Variants in RNF180 observed in about 807,000 individuals in gnomAD.
RNF180 encodes the protein ring finger protein 180.
A neutral mutation model predicts 59.2 loss-of-function variants in RNF180; 38 were observed. The observed-to-expected ratio is 0.64, with a 90% CI of 0.50 to 0.84. The LOEUF (loss-of-function observed/expected upper bound fraction) is 0.84. Ranked by LOEUF, RNF180 falls within the 40% of genes least tolerant of loss-of-function variation. The pLI is 0.00. For missense variants in RNF180, 705 were observed against 700.9 expected (o/e 1.01, Z -0.07); for synonymous variants, 262 against 240.3 (o/e 1.09, Z -0.84).
chr5:64,356,706 T>C (rs1580304758), intron 7 of RNF180, among the ~76,000 whole-genome samples: 2 of 151,938 alleles, frequency 1.3e-5, no homozygotes, highest in East Asian at 3.9e-4. Context: ...TACTGCAATA[T>C]GGATGAACCT....
At chr5:64,357,691 TAGTG>T (rs1746083736) in intron 7 of RNF180, among the ~76,000 whole-genome samples, 1 of 151,702 alleles carries the variant, frequency 6.6e-6, no homozygotes, top group Non-Finnish European at 1.5e-5. Context: ...TTACAAAAAT[TAGTG>T]AGATAACTGT....
chr5:64,282,769 T>G (rs1742076391), intron 5 of RNF180, among the ~76,000 whole-genome samples: 1 of 152,206 alleles, frequency 6.6e-6, no homozygotes, highest in African/African-American at 2.4e-5. Context: ...TCTTGATTTC[T>G]GCCTTATTCA....
At chr5:64,342,001 C>T (rs1745371504) in intron 7 of RNF180, among the ~76,000 whole-genome samples, 1 of 152,004 alleles carries the variant, frequency 6.6e-6, no homozygotes, top group African/African-American at 2.4e-5. Context: ...ATCAGGAGGC[C>T]AGATTAGAGG....
intron 1 of RNF180, among the ~76,000 whole-genome samples, chr5:64,170,446 A>C (rs1749880185): frequency 6.6e-6 from 1 of 152,190 alleles, no homozygotes; most frequent in Admixed American, 6.5e-5. Flanking sequence ...GGGTGTTTTT[A>C]AGTTAGCCAC....
At chr5:64,256,719 T>G (rs1322132510) in intron 5 of RNF180, among the ~76,000 whole-genome samples, 2 of 151,988 alleles carry the variant, frequency 1.3e-5, no homozygotes, top group African/African-American at 4.8e-5. Flanking sequence ...TTTAAAGTAG[T>G]TTTTTCCAAT....
rs1028682880 is a variant in RNF180 at position 64,305,847 on chromosome 5, C to A, written c.1228-19339C>A. Among the ~76,000 whole-genome samples the A allele has an allele frequency of 3.3e-5, 5 of 151,616 alleles. No homozygotes were observed. In the East Asian group the frequency reaches 9.7e-4, roughly 29 times the overall value. On this transcript the variant is annotated intron_variant, in intron 5 of 7. Coordinates refer to ENST00000389100, the MANE Select transcript of RNF180 (RefSeq NM_001113561.2). ...AGTTAAGAGATCTAGAATGATGGAG[C>A]ATCCACTATAACAGACATGTCATTA...
At chr5:64,187,855 T>G (rs1266135361) in intron 1 of RNF180, among the ~76,000 whole-genome samples, 1 of 152,162 alleles carries the variant, frequency 6.6e-6, no homozygotes, top group Non-Finnish European at 1.5e-5. Flanking sequence ...TAGGAATACT[T>G]TTTGTGTCCT....
intron 5 of RNF180, among the ~76,000 whole-genome samples, chr5:64,287,958 C>T (rs1742373698): frequency 6.6e-6 from 1 of 152,114 alleles, no homozygotes. Context: ...TTGGCATTTT[C>T]ATCATGAAAT....
upstream of RNF180, among the ~76,000 whole-genome samples, chr5:64,165,426 G>A (rs1256479851): frequency 1.3e-5 from 2 of 152,164 alleles, no homozygotes; most frequent in African/African-American, 2.4e-5. Context: ...CTAAACCCAG[G>A]TAGCGTTGCC....
chr5:64,179,413 T>C (rs1425835754), intron 1 of RNF180, among the ~76,000 whole-genome samples: 6 of 151,764 alleles, frequency 4.0e-5, no homozygotes, highest in Admixed American at 3.9e-4. Flanking sequence ...CTGTCATTCC[T>C]GTGCATGTTC....
Position 64,178,632 on chromosome 5 carries a change from G to A in RNF180, c.-1+12679G>A, listed in dbSNP as rs113623143. Reference sequence around the variant, plus strand: ...ATGATTGATGCATTGCATATGAAACGCAGCTACTGTCCTCTTTTCTTGTGG... The same window carrying A: ...ATGATTGATGCATTGCATATGAAACACAGCTACTGTCCTCTTTTCTTGTGG... On this transcript the variant is annotated intron_variant, in intron 1 of 7. Coordinates refer to ENST00000389100, the MANE Select transcript of RNF180 (RefSeq NM_001113561.2). Among the ~76,000 whole-genome samples the A allele has an allele frequency of 3.6e-3, 544 of 152,260 alleles. 3 individuals are homozygous for A. Among genetic ancestry groups the A allele is most frequent in the African/African-American group, 0.012 (478 of 41,556 alleles).
intron 1 of RNF180, among the ~76,000 whole-genome samples, chr5:64,185,277 T>C (rs1750814239): frequency 6.6e-6 from 1 of 152,198 alleles, no homozygotes; most frequent in Non-Finnish European, 1.5e-5. Context: ...TCTGGTAGAT[T>C]AGTTAGTTGA....
At chr5:64,288,922 A>G (rs1580186080) in intron 5 of RNF180, among the ~76,000 whole-genome samples, 1 of 152,142 alleles carries the variant, frequency 6.6e-6, no homozygotes, top group Admixed American at 6.5e-5. Context: ...AACTTCTAAT[A>G]CTATGTTGAA....
chr5:64,345,945 T>G (rs1019135481), intron 7 of RNF180, among the ~76,000 whole-genome samples: 1 of 151,858 alleles, frequency 6.6e-6, no homozygotes, highest in African/African-American at 2.4e-5. Context: ...CAAAATGACA[T>G]AAAATAACCA....
chr5:64,342,504 A>G (rs899014552), intron 7 of RNF180, among the ~76,000 whole-genome samples: 1 of 152,182 alleles, frequency 6.6e-6, no homozygotes, highest in Non-Finnish European at 1.5e-5. Context: ...GGAGTAAAAA[A>G]GGCTTAAAAA....
rs534487954 is a variant in RNF180, at chr5:64,363,840, T to C, written c.1580-5775T>C. ...TGTATTCCTGGGTATTTTATTCTTT[T>C]TGTGGCAATTGTGAATGGGAGTTTG... On this transcript the variant is annotated intron_variant, in intron 7 of 7. Transcript: ENST00000389100. Among the ~76,000 whole-genome samples, 277 of 152,008 alleles carry C rather than the reference T, an allele frequency of 1.8e-3. 2 individuals are homozygous for C. Among genetic ancestry groups the C allele is most frequent in the Non-Finnish European group, 3.6e-3 (247 of 67,890 alleles).
intron 5 of RNF180, among the ~76,000 whole-genome samples, chr5:64,303,128 G>GT (rs1296652059): frequency 6.6e-6 from 1 of 151,558 alleles, no homozygotes; most frequent in Admixed American, 6.6e-5. Flanking sequence ...TATTGTAATT[G>GT]TTTTGGGGCA....
At chr5:64,174,404 C>A (rs1217618671) in intron 1 of RNF180, among the ~76,000 whole-genome samples, 2 of 152,170 alleles carry the variant, frequency 1.3e-5, no homozygotes, top group African/African-American at 2.4e-5. Flanking sequence ...AATGGCTGGA[C>A]AAATTTACAT....
rs756930405 is a variant in RNF180, at chr5:64,213,761, A to C, written c.435A>C (p.Ser145=). The change falls in exon 4 of 8, where the codon TCA becomes TCC. Residue 145 remains serine (S), a synonymous_variant. Coordinates refer to ENST00000389100, the MANE Select transcript of RNF180 (RefSeq NM_001113561.2). ...VKYLSHPRVQ[S]GCDKEALLTG... Reference sequence around the variant, plus strand: ...ACTTGTCACATCCTAGAGTTCAGTCAGGTTGTGACAAGGAAGCTCTGCTGA... The same window carrying C: ...ACTTGTCACATCCTAGAGTTCAGTCCGGTTGTGACAAGGAAGCTCTGCTGA... 1.2e-6 allele frequency: 2 copies of C among 1,614,196 alleles called. No individual in the cohort carries two copies. The highest frequency in any genetic ancestry group is 8.5e-7 in the Non-Finnish European group (1 of 1,180,018).
Sources: gnomAD v4.1 joint callset for allele counts (sites outside exome capture counted in the v4.1 genomes callset) on GRCh38, gnomAD v4.1.1 for gene constraint, MANE v1.5 for transcripts, NCBI Gene and HGNC (gene_info 2026-07-23, HGNC 2026-07-21) for gene names.